Variants in TRAK1 observed in about 807,000 individuals in gnomAD.
TRAK1 encodes the protein trafficking kinesin protein 1, also known as trafficking kinesin-binding protein 1.
A neutral mutation model predicts 92.1 loss-of-function variants in TRAK1; 33 were observed. The observed-to-expected ratio is 0.36, with a 90% CI of 0.27 to 0.48. The LOEUF (loss-of-function observed/expected upper bound fraction) is 0.48. TRAK1 is among the 20% of genes least tolerant of loss of function. The pLI is 0.99. For synonymous variants in TRAK1, 521 were observed against 517.3 expected, an observed-to-expected ratio of 1.01 and a Z score of -0.10; for missense variants, 1,123 against 1,257.9, an observed-to-expected ratio of 0.89 and a Z score of 1.62.
intron 1 of TRAK1, among the ~76,000 whole-genome samples, chr3:42,016,733 A>T (rs531924637): frequency 1.3e-5 from 2 of 152,314 alleles, no homozygotes; most frequent in African/African-American, 4.8e-5. Flanking sequence ...GAGTAAGCAG[A>T]TAGGTGGCCA....
At chr3:42,148,404 C>T (rs886176107) in intron 2 of TRAK1, among the ~76,000 whole-genome samples, 1 of 152,186 alleles carries the variant, frequency 6.6e-6, no homozygotes, top group Non-Finnish European at 1.5e-5. Context: ...TAGAATCTGT[C>T]TTATTATCCA....
chr3:42,138,364 C>T (rs1043645073), intron 2 of TRAK1, among the ~76,000 whole-genome samples: 1 of 152,122 alleles, frequency 6.6e-6, no homozygotes, highest in Non-Finnish European at 1.5e-5. Context: ...GGGCCAATAT[C>T]CTCTTCCCAG....
intron 1 of TRAK1, among the ~76,000 whole-genome samples, chr3:42,048,221 A>G (rs1559721378): frequency 6.6e-6 from 1 of 152,076 alleles, no homozygotes; most frequent in Non-Finnish European, 1.5e-5. Context: ...CTACTGAGAG[A>G]TAGGCCGTTG....
intron 1 of TRAK1, among the ~76,000 whole-genome samples, chr3:42,102,805 C>G (rs1199284216): frequency 6.6e-6 from 1 of 152,134 alleles, no homozygotes; most frequent in Non-Finnish European, 1.5e-5. Flanking sequence ...AGGCAAGCCT[C>G]CTGTGCACAA....
intron 14 of TRAK1, among the ~76,000 whole-genome samples, chr3:42,215,677 T>C (rs1041532715): frequency 6.6e-6 from 1 of 152,216 alleles, no homozygotes; most frequent in African/African-American, 2.4e-5. Flanking sequence ...AAAAAGAACA[T>C]GGAAGGCCCT....
intron 1 of TRAK1, among the ~76,000 whole-genome samples, chr3:42,034,838 C>T (rs1464467960): frequency 2.0e-5 from 3 of 152,048 alleles, no homozygotes; most frequent in African/African-American, 4.8e-5. Context: ...TAGTTTGTGC[C>T]ACCGAGACAG....
At chr3:42,101,829 T>C (rs1706796171) in intron 1 of TRAK1, among the ~76,000 whole-genome samples, 1 of 152,178 alleles carries the variant, frequency 6.6e-6, no homozygotes, top group African/African-American at 2.4e-5. Context: ...ACCACCTCTT[T>C]TTAGTTGGGA....
At chr3:42,204,939 T>G (rs1708157362) in intron 13 of TRAK1, among the ~76,000 whole-genome samples, 1 of 152,144 alleles carries the variant, frequency 6.6e-6, no homozygotes, top group Non-Finnish European at 1.5e-5. Context: ...CCACAGTTAT[T>G]TTTTGTGTTA....
At chr3:42,160,847 C>G (rs1360292336) in intron 2 of TRAK1, among the ~76,000 whole-genome samples, 1 of 152,092 alleles carries the variant, frequency 6.6e-6, no homozygotes, top group African/African-American at 2.4e-5. Flanking sequence ...CTTTGAAATT[C>G]ATCCTTGTTG....
intron 1 of TRAK1, among the ~76,000 whole-genome samples, chr3:42,110,531 A>G (rs554293288): frequency 1.1e-4 from 16 of 152,168 alleles, no homozygotes; most frequent in Admixed American, 9.8e-4. Flanking sequence ...TTTCCCATTG[A>G]GGGTTGTAAA....
chr3:42,113,566 A>G (rs990719223), intron 1 of TRAK1, among the ~76,000 whole-genome samples: 2 of 152,112 alleles, frequency 1.3e-5, no homozygotes, highest in African/African-American at 4.8e-5. Flanking sequence ...GGTGTGTGCC[A>G]TCACACTCGG....
intron 3 of TRAK1, among the ~76,000 whole-genome samples, chr3:42,177,442 A>G (rs1370120696): frequency 1.3e-5 from 2 of 152,268 alleles, no homozygotes; most frequent in African/African-American, 4.8e-5. Flanking sequence ...CTCTAGAAAC[A>G]GATGAGTATA....
intron 1 of TRAK1, among the ~76,000 whole-genome samples, chr3:42,030,696 AT>A: frequency 8.2e-4 from 1 of 1,214 alleles, no homozygotes; most frequent in East Asian, 0.033. Context: ...AAGAATATAT[AT>A]ATATATATAT....
At chr3:42,047,926 T>TC (rs927058754) in intron 1 of TRAK1, among the ~76,000 whole-genome samples, 5 of 149,774 alleles carry the variant, frequency 3.3e-5, no homozygotes, top group African/African-American at 9.8e-5. Context: ...TCTTTTCTTT[T>TC]TTTTTTTTTT....
At chr3:42,126,146 T>A (rs1710531971) in intron 2 of TRAK1, among the ~76,000 whole-genome samples, 1 of 140,918 alleles carries the variant, frequency 7.1e-6, no homozygotes, top group Admixed American at 7.1e-5. Context: ...GGGAGCCAAC[T>A]TTTTTTTTTT....
intron 4 of TRAK1, among the ~76,000 whole-genome samples, chr3:42,186,395 T>C (rs1481548369): frequency 1.3e-5 from 2 of 152,210 alleles, no homozygotes; most frequent in Non-Finnish European, 2.9e-5. Flanking sequence ...AGTACATTGT[T>C]GTCTGGGTTT....
intron 1 of TRAK1, among the ~76,000 whole-genome samples, chr3:42,063,828 T>C (rs1576219234): frequency 6.6e-6 from 1 of 152,366 alleles, no homozygotes; most frequent in East Asian, 1.9e-4. Flanking sequence ...ATGTAGAGTC[T>C]GTAACCTTTC....
intron 1 of TRAK1, among the ~76,000 whole-genome samples, chr3:42,065,734 A>G (rs6778412): frequency 0.65 from 98,252 of 151,742 alleles, 32,795 homozygotes; most frequent in South Asian, 0.82. Flanking sequence ...GGCCCAAGCT[A>G]TCCTCTCACC....
intron 1 of TRAK1, among the ~76,000 whole-genome samples, chr3:42,107,953 G>A (rs922144424): frequency 5.9e-5 from 9 of 151,484 alleles, no homozygotes; most frequent in African/African-American, 2.2e-4. Flanking sequence ...TCACATCTAA[G>A]AAGGCTGCGG....
Sources: gnomAD v4.1 joint callset for allele counts (sites outside exome capture counted in the v4.1 genomes callset) on GRCh38, gnomAD v4.1.1 for gene constraint, MANE v1.5 for transcripts, NCBI Gene and HGNC (gene_info 2026-07-23, HGNC 2026-07-21) for gene names.